DCDC1: variants seen among roughly 807,000 people sequenced by gnomAD.
DCDC1 encodes doublecortin domain containing 1.
In DCDC1, 200 loss-of-function variants were observed where a neutral mutation model predicts 178.3. The ratio of observed to expected loss-of-function variants is 1.12; its 90% CI spans 1.00 to 1.26. The LOEUF is 1.26. Among genes scored for constraint, DCDC1 ranks in the 50% most tolerant of loss-of-function variants. DCDC1 has a pLI of 0.00. For missense variants in DCDC1, 1,983 were observed against 1,749.2 expected (o/e 1.13, Z -2.38); for synonymous variants, 690 against 604.8 (o/e 1.14, Z -2.07).
intron 13 of DCDC1, among the ~76,000 whole-genome samples, chr11:31,104,980 C>G (rs924191106): frequency 9.9e-5 from 15 of 151,990 alleles, no homozygotes; most frequent in African/African-American, 3.6e-4. Context: ...TCATCTTTTA[C>G]AAATGAGTAG....
intron 9 of DCDC1, among the ~76,000 whole-genome samples, chr11:31,193,421 AGTATTTCATATCTTGG>A (rs1318295314): frequency 1.9e-4 from 29 of 152,184 alleles, no homozygotes; most frequent in African/African-American, 6.7e-4. Flanking sequence ...TGCTTATTGG[AGTATTTCATATCTTGG>A]GTTTTCAGAT....
At chr11:31,339,650 A>G (rs1272546421) in intron 1 of DCDC1, among the ~76,000 whole-genome samples, 1 of 152,224 alleles carries the variant, frequency 6.6e-6, no homozygotes, top group East Asian at 1.9e-4. Flanking sequence ...TCTAGGACAT[A>G]GTAGGTATGC....
chr11:31,314,178 T>C (rs1389341297), intron 3 of DCDC1, among the ~76,000 whole-genome samples: 2 of 152,316 alleles, frequency 1.3e-5, no homozygotes, highest in East Asian at 3.9e-4. Context: ...TTAATTTCTG[T>C]CAAACATTTC....
intron 30 of DCDC1, among the ~76,000 whole-genome samples, chr11:30,906,135 A>G (rs1329398209): frequency 3.3e-5 from 5 of 152,148 alleles, no homozygotes; most frequent in African/African-American, 1.2e-4. Flanking sequence ...CCCAACCTGA[A>G]CAGTCATTAA....
chr11:31,052,441 T>A (rs914801405), intron 20 of DCDC1, among the ~76,000 whole-genome samples: 18 of 151,922 alleles, frequency 1.2e-4, no homozygotes, highest in Non-Finnish European at 2.2e-4. Flanking sequence ...TCTAGACAGG[T>A]TTTCAAGACA....
At chr11:30,865,700 G>A (rs1248807075) in intron 38 of DCDC1, among the ~76,000 whole-genome samples, 3 of 151,990 alleles carry the variant, frequency 2.0e-5, no homozygotes, top group Non-Finnish European at 4.4e-5. Flanking sequence ...AAAATTGATC[G>A]ATAAGTCTTC....
intron 20 of DCDC1, among the ~76,000 whole-genome samples, chr11:30,976,059 A>G (rs1404835098): frequency 6.6e-6 from 1 of 152,158 alleles, no homozygotes; most frequent in South Asian, 2.1e-4. Flanking sequence ...AAATCCACAT[A>G]TTTACAGCCA....
At chr11:31,152,942 TTC>T (rs1360727776) in intron 9 of DCDC1, among the ~76,000 whole-genome samples, 1 of 152,208 alleles carries the variant, frequency 6.6e-6, no homozygotes, top group Non-Finnish European at 1.5e-5. Flanking sequence ...GATGGTTTCT[TTC>T]TCCATCCAGT....
chr11:31,306,486 A>G, intron 4 of DCDC1, 98 bp from the exon 5 acceptor site: 4 of 1,306,228 alleles, frequency 3.1e-6, no homozygotes, highest in Admixed American at 3.1e-5. Context: ...TATAAGCACT[A>G]AAGATTGTTC....
chr11:31,108,164 A>G (rs1396098396), intron 12 of DCDC1, among the ~76,000 whole-genome samples: 1 of 152,196 alleles, frequency 6.6e-6, no homozygotes, highest in Non-Finnish European at 1.5e-5. Context: ...GCTTTGTCCT[A>G]CTTAGAGATA....
intron 30 of DCDC1, among the ~76,000 whole-genome samples, chr11:30,905,993 CA>C (rs1320096888): frequency 1.3e-5 from 2 of 152,098 alleles, no homozygotes; most frequent in Admixed American, 6.5e-5. Flanking sequence ...TTTACTTCTA[CA>C]GTTGAAAGGG....
intron 15 of DCDC1, among the ~76,000 whole-genome samples, chr11:31,101,332 A>G (rs1321416213): frequency 6.6e-6 from 1 of 150,830 alleles, no homozygotes; most frequent in Non-Finnish European, 1.5e-5. Flanking sequence ...CTTTGGAGAT[A>G]GATTTAAAAC....
rs1262075220 is a variant in DCDC1 at position 31,127,525 on chromosome 11, G to T, written c.1429C>A (p.Gln477Lys). The change falls in exon 11 of 39, where the codon CAA becomes AAA. Residue 477 changes from glutamine (Q) to lysine (K), a missense_variant. Physicochemically the swap from Gln to Lys is moderately conservative, Grantham distance 53. Transcript: ENST00000684477. Reference sequence around the variant, plus strand: ...TTTGCTGGAAGGCTTTTAATGTGTTGGTAGACATAAGAGGAGAATTGCTCC... The same window carrying T: ...TTTGCTGGAAGGCTTTTAATGTGTTTGTAGACATAAGAGGAGAATTGCTCC... Reference protein sequence around the residue: ...EQEQFSSYVYQHIKSLPANTL... With the variant: ...EQEQFSSYVYKHIKSLPANTL... 3 of 702,698 alleles carry T rather than the reference G, an allele frequency of 4.3e-6. No individual in the cohort carries two copies. The highest frequency in any genetic ancestry group is 7.8e-6 in the Non-Finnish European group (3 of 384,786). 43.5% of individuals were successfully genotyped at this position (702,698 alleles called of 1,614,324 possible).
At chr11:31,006,996 C>G (rs1447083395) in intron 20 of DCDC1, among the ~76,000 whole-genome samples, 3 of 152,138 alleles carry the variant, frequency 2.0e-5, no homozygotes, top group Non-Finnish European at 4.4e-5. Context: ...AATATTTCTC[C>G]TCTCTGTTCA....
At chr11:30,933,190 A>G (rs532907555) in intron 21 of DCDC1, among the ~76,000 whole-genome samples, 2 of 152,046 alleles carry the variant, frequency 1.3e-5, no homozygotes, top group Non-Finnish European at 2.9e-5. Context: ...AAGTCTTGAT[A>G]ACTGGTAGGG....
intron 17 of DCDC1, among the ~76,000 whole-genome samples, chr11:31,082,578 AGATAT>A (rs1008242666): frequency 5.4e-5 from 7 of 128,450 alleles, no homozygotes; most frequent in African/African-American, 1.5e-4. Flanking sequence ...ATATAGATAC[AGATAT>A]GATATAGATA....
chr11:31,126,515 C>A (rs1406355554), intron 11 of DCDC1, among the ~76,000 whole-genome samples: 1 of 152,008 alleles, frequency 6.6e-6, no homozygotes, highest in African/African-American at 2.4e-5. Flanking sequence ...TGTTATTGGT[C>A]AAAAATATAA....
chr11:31,215,223 A>C (rs1274059936), intron 9 of DCDC1: 3 of 236,514 alleles, frequency 1.3e-5, no homozygotes, highest in African/African-American at 6.9e-5. Flanking sequence ...TGAGCACAGG[A>C]GATTGAGGCT....
chr11:31,081,763 C>A, intron 17 of DCDC1, among the ~76,000 whole-genome samples: 1 of 152,018 alleles, frequency 6.6e-6, no homozygotes, highest in African/African-American at 2.4e-5. Flanking sequence ...AATCTATAAC[C>A]TCTGGGAGCT....
Sources: allele counts gnomAD v4.1 joint callset (sites outside exome capture counted in the v4.1 genomes callset), GRCh38; gene constraint gnomAD v4.1.1; transcripts MANE v1.5; gene names NCBI Gene and HGNC (gene_info 2026-07-23, HGNC 2026-07-21).